Variants in PKHD1 observed in about 807,000 individuals in gnomAD.
PKHD1 encodes the protein fibrocystin.
Under a neutral mutation model 412.0 loss-of-function variants are expected in PKHD1, and 291 were observed. The observed-to-expected ratio is 0.71, with a 90% confidence interval of 0.64 to 0.78. The LOEUF (loss-of-function observed/expected upper bound fraction) is 0.78, where lower values mean the gene tolerates loss of function less well. Among genes scored for constraint, PKHD1 ranks in the 30% least tolerant of loss-of-function variants. PKHD1 has a pLI of 0.00. For missense variants in PKHD1, 4,825 were observed against 4,950.7 expected (o/e 0.97, Z 0.76); for synonymous variants, 1,777 against 1,821.5 (o/e 0.98, Z 0.62).
At chr6:51,731,394 TG>T (rs1783218708) in intron 60 of PKHD1, among the ~76,000 whole-genome samples, 5 of 152,278 alleles carry the variant, frequency 3.3e-5, no homozygotes, top group African/African-American at 1.2e-4. Context: ...AACAGAGAAA[TG>T]TGAATAGATT....
chr6:51,833,691 A>G (rs74954332), intron 51 of PKHD1, among the ~76,000 whole-genome samples: 8,195 of 152,210 alleles, frequency 0.054, 231 homozygotes, highest in South Asian at 0.074. Context: ...CAATCAAGGC[A>G]TGGGTGATCC....
rs146957936 is a variant in PKHD1, at chr6:52,020,939, C to T, written c.5380+1862G>A. Among the ~76,000 whole-genome samples, 850 of 151,808 alleles carry T rather than the reference C, an allele frequency of 5.6e-3. 7 individuals carry two copies. Among genetic ancestry groups the T allele is most frequent in the African/African-American group, 0.02 (820 of 41,372 alleles). On this transcript the variant is annotated intron_variant, in intron 33 of 66. Transcript: ENST00000371117. Reference sequence around the variant, plus strand: ...GAAAAAAAAAAAATACACAGTCATACACTCAAAATGCTTCATCCAGTTTCA... The same window carrying T: ...GAAAAAAAAAAAATACACAGTCATATACTCAAAATGCTTCATCCAGTTTCA...
intron 46 of PKHD1, among the ~76,000 whole-genome samples, chr6:51,874,691 G>A (rs985593555): frequency 6.6e-6 from 1 of 152,090 alleles, no homozygotes; most frequent in Non-Finnish European, 1.5e-5. Context: ...CACTATGGGA[G>A]GCCAAGGCGG....
chr6:51,937,006 G>A (rs1265586403), intron 36 of PKHD1, among the ~76,000 whole-genome samples: 1 of 152,170 alleles, frequency 6.6e-6, no homozygotes, highest in African/African-American at 2.4e-5. Context: ...CTAAGAGTCT[G>A]GAACCTTTTT....
In PKHD1 at chr6:52,026,076, G is replaced by A. The variant is rs140815495; in HGVS notation, c.3734C>T (p.Ala1245Val). Residue 1245 changes from alanine to valine, a missense_variant, in exon 32 of 67, where the codon GCG becomes GTG. Transcript: ENST00000371117. ...RSCDIVNLTE[A>V]SIWCETLPAP... ...TGGCAGGGTTTCACACCAGATGCTCGCCTCCGTTAAGTTCACAATGTCACA... is the reference window on the plus strand; with the variant it reads ...TGGCAGGGTTTCACACCAGATGCTCACCTCCGTTAAGTTCACAATGTCACA... The A allele has an allele frequency of 2.1e-5, 34 of 1,613,986 alleles. No homozygotes were observed. The highest frequency in any genetic ancestry group is 1.2e-4 in the South Asian group (11 of 91,076).
intron 60 of PKHD1, among the ~76,000 whole-genome samples, chr6:51,737,280 A>T (rs1347817251): frequency 2.6e-5 from 4 of 152,132 alleles, no homozygotes; most frequent in African/African-American, 9.7e-5. Flanking sequence ...GTGAGTTTAT[A>T]TTTTTAATAT....
At chr6:51,666,586 T>C (rs1342993664) in intron 60 of PKHD1, among the ~76,000 whole-genome samples, 6 of 152,092 alleles carry the variant, frequency 3.9e-5, no homozygotes, top group African/African-American at 1.4e-4. Flanking sequence ...TTAGGGTACA[T>C]GTGCACAATG....
At chr6:51,936,117 C>G (rs1046874596) in intron 36 of PKHD1, among the ~76,000 whole-genome samples, 5 of 152,156 alleles carry the variant, frequency 3.3e-5, no homozygotes, top group Non-Finnish European at 5.9e-5. Context: ...TTATTGGTGT[C>G]TAGAAAAGTG....
chr6:51,939,399 A>T (rs986442683), intron 36 of PKHD1, among the ~76,000 whole-genome samples: 1 of 150,908 alleles, frequency 6.6e-6, no homozygotes, highest in Admixed American at 6.6e-5. Flanking sequence ...CGCCTCCTTC[A>T]CTATGGGCAG....
chr6:51,918,995 T>C (rs139856094), intron 37 of PKHD1, among the ~76,000 whole-genome samples: 1 of 152,340 alleles, frequency 6.6e-6, no homozygotes, highest in East Asian at 1.9e-4. Context: ...TTCTTGTAAA[T>C]TTGTCTAAGT....
chr6:51,976,702 T>C (rs1313606696), intron 35 of PKHD1, among the ~76,000 whole-genome samples: 4 of 152,324 alleles, frequency 2.6e-5, no homozygotes, highest in Non-Finnish European at 4.4e-5. Context: ...GTAATCCTAG[T>C]ACTTTGGGAA....
chr6:51,644,213 C>T (rs1333538635), intron 63 of PKHD1, among the ~76,000 whole-genome samples: 1 of 151,810 alleles, frequency 6.6e-6, no homozygotes, highest in Non-Finnish European at 1.5e-5. Context: ...TAAAAAAAAA[C>T]TGAGATCTGA....
At chr6:51,634,789 CT>C (rs1768328573) in intron 64 of PKHD1, among the ~76,000 whole-genome samples, 1 of 152,114 alleles carries the variant, frequency 6.6e-6, no homozygotes, top group Non-Finnish European at 1.5e-5. Flanking sequence ...ACTTAGGAGA[CT>C]TACGCAGGAA....
intron 60 of PKHD1, among the ~76,000 whole-genome samples, chr6:51,660,182 CATAAT>C (rs1772609369): frequency 6.6e-6 from 1 of 151,826 alleles, no homozygotes; most frequent in Non-Finnish European, 1.5e-5. Context: ...GTATATGTTA[CATAAT>C]ATGTTATTTA....
At position 51,694,859 on chromosome 6, in the gene PKHD1, G is replaced by T. The variant is rs188540301; in HGVS notation, c.10157-34890C>A. The stretch of plus-strand genomic sequence containing the variant: ...CTGACCCACAGAAGACAACACAGCT[G>T]TACTGCCACATTGTCACTGCAGAGA... On this transcript the variant is annotated intron_variant, in intron 60 of 66. Transcript: ENST00000371117. Among the ~76,000 whole-genome samples, 4 of 152,190 alleles carry T rather than the reference G, an allele frequency of 2.6e-5. No homozygotes were observed. In the East Asian group the frequency reaches 5.8e-4, roughly 22 times the overall value.
At position 52,025,722 on chromosome 6, in the gene PKHD1, A is replaced by T; in HGVS notation, c.4088T>A (p.Ile1363Asn). The T allele has an allele frequency of 6.2e-7, 1 of 1,614,222 alleles. No individual in the cohort carries two copies. The highest frequency in any genetic ancestry group is 8.5e-7 in the Non-Finnish European group (1 of 1,180,032). ...SIPLHSLEAG[I>N]YPLQVRQKQM... ...CTTCTGACGTACTTGGAGAGGATAG[A>T]TGCCAGCCTCCAGACTGTGAAGAGG... The change falls in exon 32 of 67, where the codon ATC (isoleucine) becomes AAC (asparagine). Residue 1363 changes from isoleucine to asparagine, a missense_variant. Coordinates refer to ENST00000371117, the MANE Select transcript of PKHD1 (RefSeq NM_138694.4).
chr6:51,872,352 C>A (rs1776109725), intron 46 of PKHD1, among the ~76,000 whole-genome samples: 1 of 151,232 alleles, frequency 6.6e-6, no homozygotes. Context: ...TTCCTAAGAG[C>A]TTTCAGAGAG....
chr6:51,634,510 G>A (rs987586948), intron 64 of PKHD1, among the ~76,000 whole-genome samples: 1 of 152,196 alleles, frequency 6.6e-6, no homozygotes, highest in African/African-American at 2.4e-5. Flanking sequence ...TGATTGCTCA[G>A]TAATTGTTTA....
In PKHD1 at chr6:52,025,180, C is replaced by T; in HGVS notation, c.4630G>A (p.Ala1544Thr). 1.2e-6 allele frequency: 2 copies of T among 1,614,108 alleles called. No individual in the cohort carries two copies. Among genetic ancestry groups the T allele is most frequent in the South Asian group, 2.2e-5 (2 of 91,076 alleles). ...ACTGACAGGTAGTGGGGTCCTGGGG[C>T]CAAGTCTCTTGTCTGGCACACAACG... ...SHVVCQTRDL[A>T]PGPHYLSVFY... The change falls in exon 32 of 67, where the codon GCC becomes ACC. Residue 1544 changes from alanine to threonine, a missense_variant. Physicochemically the swap from Ala to Thr is moderately conservative, Grantham distance 58. Coordinates refer to ENST00000371117, the MANE Select transcript of PKHD1 (RefSeq NM_138694.4).
Sources: allele counts gnomAD v4.1 joint callset (sites outside exome capture counted in the v4.1 genomes callset), GRCh38; gene constraint gnomAD v4.1.1; transcripts MANE v1.5; gene names NCBI Gene and HGNC (gene_info 2026-07-23, HGNC 2026-07-21).